The following CNTNAP2 variants were observed in gnomAD, a reference collection of about 807,000 sequenced individuals.
The protein encoded by CNTNAP2 is contactin-associated protein-like 2.
In CNTNAP2, 98 loss-of-function variants were observed where a neutral mutation model predicts 155.2. The observed-to-expected ratio is 0.63, with a 90% confidence interval of 0.54 to 0.75. The LOEUF is 0.75. Among genes scored for constraint, CNTNAP2 ranks in the 30% least tolerant of loss-of-function variants. The probability of loss-of-function intolerance (pLI) is 0.00; values close to 1 mark genes in which losing one functional copy is unlikely to be tolerated. For missense variants in CNTNAP2, 1,727 were observed against 1,688.1 expected (o/e 1.02, Z -0.40); for synonymous variants, 651 against 631.2 (o/e 1.03, Z -0.47).
intron 1 of CNTNAP2, among the ~76,000 whole-genome samples, chr7:146,509,586 G>A (rs1460569470): frequency 6.6e-6 from 1 of 152,116 alleles, no homozygotes; most frequent in Admixed American, 6.5e-5. Flanking sequence ...ATGAGCCACT[G>A]GGGGAGCCCA....
chr7:147,531,281 G>T (rs1213236428), intron 11 of CNTNAP2, among the ~76,000 whole-genome samples: 2 of 152,204 alleles, frequency 1.3e-5, no homozygotes, highest in African/African-American at 4.8e-5. Flanking sequence ...CAGTGCCCCA[G>T]TTAGGACTCT....
At chr7:146,292,854 T>C (rs1282821896) in intron 1 of CNTNAP2, among the ~76,000 whole-genome samples, 1 of 152,076 alleles carries the variant, frequency 6.6e-6, no homozygotes, top group Non-Finnish European at 1.5e-5. Flanking sequence ...AGTAGAATAG[T>C]GGTTATCCGA....
At chr7:148,243,398 G>A (rs542536964) in intron 20 of CNTNAP2, among the ~76,000 whole-genome samples, 19 of 152,168 alleles carry the variant, frequency 1.2e-4, no homozygotes, top group Admixed American at 3.3e-4. Context: ...GAAAGTTGAC[G>A]TATTAGTCCA....
chr7:147,104,690 T>C (rs953747164), intron 4 of CNTNAP2, among the ~76,000 whole-genome samples: 15 of 150,822 alleles, frequency 9.9e-5, no homozygotes, highest in African/African-American at 3.6e-4. Context: ...TTATATATTC[T>C]TTTATAAGTG....
chr7:146,439,746 G>C (rs930233249), intron 1 of CNTNAP2, among the ~76,000 whole-genome samples: 4 of 151,592 alleles, frequency 2.6e-5, no homozygotes, highest in Admixed American at 2.6e-4. Flanking sequence ...GCACTTTAGA[G>C]AGGTACTTAA....
chr7:148,015,576 A>G (rs148968103), intron 15 of CNTNAP2, among the ~76,000 whole-genome samples: 295 of 152,260 alleles, frequency 1.9e-3, no homozygotes, highest in African/African-American at 6.9e-3. Context: ...CCTCCACACT[A>G]TTTAGCATCC....
chr7:146,682,322 G>A (rs1438953083), intron 1 of CNTNAP2, among the ~76,000 whole-genome samples: 1 of 151,986 alleles, frequency 6.6e-6, no homozygotes, highest in Non-Finnish European at 1.5e-5. Context: ...AGAACATAAC[G>A]TTCAGCCAGC....
chr7:147,177,706 G>T (rs1228791220), intron 8 of CNTNAP2, among the ~76,000 whole-genome samples: 1 of 152,084 alleles, frequency 6.6e-6, no homozygotes, highest in African/African-American at 2.4e-5. Context: ...CATAGACTTG[G>T]TGTTTGTTGG....
At chr7:146,678,928 T>C (rs548931770) in intron 1 of CNTNAP2, among the ~76,000 whole-genome samples, 1 of 152,320 alleles carries the variant, frequency 6.6e-6, no homozygotes, top group African/African-American at 2.4e-5. Context: ...CTAACACTTA[T>C]AAAATTTATG....
At chr7:146,762,723 G>A (rs1053637314) in intron 1 of CNTNAP2, among the ~76,000 whole-genome samples, 12 of 152,272 alleles carry the variant, frequency 7.9e-5, no homozygotes, top group African/African-American at 2.4e-4. Context: ...ACAGTTCCAC[G>A]TGGCTGGGGA....
At chr7:146,970,760 A>G (rs988892847) in intron 3 of CNTNAP2, among the ~76,000 whole-genome samples, 2 of 152,184 alleles carry the variant, frequency 1.3e-5, no homozygotes, top group Non-Finnish European at 2.9e-5. Flanking sequence ...ACACATGCAC[A>G]CGTATGTTTA....
At chr7:147,700,171 C>T (rs1410434096) in intron 13 of CNTNAP2, among the ~76,000 whole-genome samples, 1 of 152,010 alleles carries the variant, frequency 6.6e-6, no homozygotes, top group African/African-American at 2.4e-5. Flanking sequence ...TTTCAGTTCC[C>T]TAGTTGTATT....
intron 15 of CNTNAP2, among the ~76,000 whole-genome samples, chr7:148,080,674 G>C (rs537287109): frequency 2.0e-5 from 3 of 151,396 alleles, no homozygotes; most frequent in Admixed American, 2.0e-4. Flanking sequence ...CCTATGCCTT[G>C]CCAAAGAATG....
At chr7:147,537,378 T>C (rs899139752) in intron 11 of CNTNAP2, among the ~76,000 whole-genome samples, 9 of 152,204 alleles carry the variant, frequency 5.9e-5, no homozygotes, top group African/African-American at 2.2e-4. Flanking sequence ...AACTTAAAAA[T>C]TATATTCAAA....
At chr7:146,457,481 AAT>A (rs200909725) in intron 1 of CNTNAP2, among the ~76,000 whole-genome samples, 10 of 87,240 alleles carry the variant, frequency 1.1e-4, no homozygotes, top group African/African-American at 2.6e-4. Context: ...TTCAAAAATG[AAT>A]ATATATATAT....
intron 13 of CNTNAP2, among the ~76,000 whole-genome samples, chr7:147,812,905 C>T (rs1168565214): frequency 6.6e-6 from 1 of 151,828 alleles, no homozygotes; most frequent in African/African-American, 2.4e-5. Context: ...TACACACATA[C>T]CTATTAAGAG....
At chr7:147,072,291 C>T (rs555732760) in intron 4 of CNTNAP2, among the ~76,000 whole-genome samples, 1 of 151,916 alleles carries the variant, frequency 6.6e-6, no homozygotes, top group Non-Finnish European at 1.5e-5. Flanking sequence ...ACAAATCCTG[C>T]AATAGATGGC....
chr7:147,430,201 A>G (rs1292329557), intron 10 of CNTNAP2, among the ~76,000 whole-genome samples: 2 of 152,168 alleles, frequency 1.3e-5, no homozygotes, highest in Non-Finnish European at 2.9e-5. Flanking sequence ...AGCCAAATAC[A>G]ATTATTTTCT....
chr7:146,238,820 A>G (rs773935732), intron 1 of CNTNAP2, among the ~76,000 whole-genome samples: 14 of 152,190 alleles, frequency 9.2e-5, no homozygotes, highest in Non-Finnish European at 1.6e-4. Context: ...CACCTTCTTC[A>G]CAAGGCGGCA....
Sources: allele counts gnomAD v4.1 joint callset (sites outside exome capture counted in the v4.1 genomes callset), GRCh38; gene constraint gnomAD v4.1.1; transcripts MANE v1.5; gene names NCBI Gene and HGNC (gene_info 2026-07-23, HGNC 2026-07-21).